The following FRMD4B variants were observed in gnomAD, a reference collection of about 807,000 sequenced individuals.
FRMD4B encodes the protein FERM domain containing 4B.
A neutral mutation model predicts 141.5 loss-of-function variants in FRMD4B; 74 were observed. The ratio of observed to expected loss-of-function variants is 0.52; its 90% CI spans 0.43 to 0.63. FRMD4B has a LOEUF of 0.63. Among genes scored for constraint, FRMD4B ranks in the 30% least tolerant of loss-of-function variants. The pLI is 0.00. For synonymous variants in FRMD4B, 506 were observed against 467.9 expected (o/e 1.08, Z -1.05); for missense variants, 1,366 against 1,253.4 (o/e 1.09, Z -1.36).
chr3:69,506,819 C>T (rs1036194001), intron 1 of FRMD4B, among the ~76,000 whole-genome samples: 12 of 137,584 alleles, frequency 8.7e-5, no homozygotes, highest in South Asian at 2.2e-4. Context: ...GCTGAGATTA[C>T]GGGGTGAGCT....
chr3:69,492,802 T>C (rs972641050), intron 1 of FRMD4B, among the ~76,000 whole-genome samples: 6 of 152,244 alleles, frequency 3.9e-5, no homozygotes, highest in Admixed American at 2.6e-4. Context: ...GTCTTGTATG[T>C]CTGCTTAGTT....
chr3:69,495,533 T>C (rs1046120211), intron 1 of FRMD4B, among the ~76,000 whole-genome samples: 2 of 152,190 alleles, frequency 1.3e-5, no homozygotes, highest in African/African-American at 4.8e-5. Flanking sequence ...GCTTTTCCTA[T>C]GCAGAATCAA....
At chr3:69,389,823 A>G (rs1392475530), upstream of FRMD4B, among the ~76,000 whole-genome samples, 1 of 152,206 alleles carries the variant, frequency 6.6e-6, no homozygotes, top group African/African-American at 2.4e-5. Flanking sequence ...GATCCCAGAC[A>G]CACACCCTTG....
At chr3:69,414,158 T>C (rs1218716202) in intron 2 of FRMD4B, among the ~76,000 whole-genome samples, 2 of 151,924 alleles carry the variant, frequency 1.3e-5, no homozygotes, top group Non-Finnish European at 2.9e-5. Context: ...AGGAGAAAAG[T>C]GGTTGCAGGT....
At chr3:69,201,009 A>G (rs2107670451) in intron 11 of FRMD4B, 1 of 319,106 alleles carries the variant, frequency 3.1e-6, no homozygotes, top group Non-Finnish European at 6.4e-6. Context: ...CTGCATTGAG[A>G]GCAAATACGC....
intron 1 of FRMD4B, among the ~76,000 whole-genome samples, chr3:69,349,587 C>G (rs562537850): frequency 2.6e-5 from 4 of 152,242 alleles, no homozygotes; most frequent in African/African-American, 7.2e-5. Context: ...TACAAGGCTA[C>G]AGTAACCAAA....
At chr3:69,226,425 CTTTTT>C (rs5849885) in intron 7 of FRMD4B, among the ~76,000 whole-genome samples, 3 of 145,332 alleles carry the variant, frequency 2.1e-5, no homozygotes, top group Non-Finnish European at 3.0e-5. Context: ...ACCACATTTA[CTTTTT>C]TTTTTTTTTC....
intron 1 of FRMD4B, among the ~76,000 whole-genome samples, chr3:69,501,793 G>C (rs1204594858): frequency 2.6e-5 from 4 of 152,164 alleles, no homozygotes; most frequent in African/African-American, 7.2e-5. Flanking sequence ...CACTGTCTCA[G>C]CCCAAAATCG....
At position 69,227,748 on chromosome 3, in the gene FRMD4B, G is replaced by A. The variant is rs140057159; in HGVS notation, c.582-3058C>T. Among the ~76,000 whole-genome samples, 1,475 of 152,196 alleles carry A rather than the reference G, an allele frequency of 9.7e-3. 30 individuals carry two copies. Among genetic ancestry groups the A allele is most frequent in the African/African-American group, 0.034 (1,403 of 41,530 alleles). On this transcript the variant is annotated intron_variant, in intron 7 of 22. Transcript: ENST00000398540. ...GAGCACAGAAGATTTTTAGGGCACT[G>A]AAACTATTCTGTATGATACTGTAAT... is the stretch of plus-strand genomic sequence containing the variant.
intron 1 of FRMD4B, among the ~76,000 whole-genome samples, chr3:69,476,833 T>C (rs1191082855): frequency 6.6e-6 from 1 of 152,214 alleles, no homozygotes; most frequent in Admixed American, 6.5e-5. Context: ...TTCCTACCCA[T>C]AAGCATGGAA....
chr3:69,410,530 A>C (rs2106778740), intron 2 of FRMD4B, among the ~76,000 whole-genome samples: 1 of 151,852 alleles, frequency 6.6e-6, no homozygotes, highest in East Asian at 1.9e-4. Flanking sequence ...TTTCTGGAAA[A>C]GTGCTCCACC....
intron 1 of FRMD4B, among the ~76,000 whole-genome samples, chr3:69,482,661 A>G (rs1464141313): frequency 6.6e-6 from 1 of 152,226 alleles, no homozygotes; most frequent in Non-Finnish European, 1.5e-5. Flanking sequence ...TAACTGAAGA[A>G]TCAAATCTTT....
At chr3:69,345,231 G>A (rs867494214) in intron 1 of FRMD4B, among the ~76,000 whole-genome samples, 12 of 152,200 alleles carry the variant, frequency 7.9e-5, no homozygotes, top group Admixed American at 2.0e-4. Context: ...ACGGAGCCTC[G>A]CTCATGGCTA....
At chr3:69,175,590 T>C (rs1382577913) in intron 22 of FRMD4B, among the ~76,000 whole-genome samples, 1 of 152,098 alleles carries the variant, frequency 6.6e-6, no homozygotes, top group Non-Finnish European at 1.5e-5. Flanking sequence ...TGAACAGCCT[T>C]TCCTGGAGTA....
chr3:69,514,889 G>C (rs1700727260), intron 1 of FRMD4B, among the ~76,000 whole-genome samples: 1 of 151,868 alleles, frequency 6.6e-6, no homozygotes, highest in South Asian at 2.1e-4. Context: ...GATTCTCAAG[G>C]GACACTGAAT....
chr3:69,472,331 A>G (rs1164778192), intron 1 of FRMD4B: 2 of 466,596 alleles, frequency 4.3e-6, no homozygotes, highest in Admixed American at 2.3e-5. Context: ...TACAGATGCA[A>G]CTCCCTGGGA....
intron 5 of FRMD4B, among the ~76,000 whole-genome samples, chr3:69,269,866 C>T (rs527968336): frequency 2.7e-4 from 41 of 152,222 alleles, no homozygotes; most frequent in South Asian, 8.3e-4. Context: ...GCGATCTGCC[C>T]GCCTCAGCCT....
intron 11 of FRMD4B, among the ~76,000 whole-genome samples, chr3:69,201,745 C>G (rs2092970004): frequency 6.6e-6 from 1 of 152,176 alleles, no homozygotes; most frequent in Non-Finnish European, 1.5e-5. Context: ...GGCAATGGAG[C>G]TGAGGTGAAT....
intron 1 of FRMD4B, among the ~76,000 whole-genome samples, chr3:69,454,480 G>T (rs956136050): frequency 6.6e-6 from 1 of 152,196 alleles, no homozygotes; most frequent in African/African-American, 2.4e-5. Flanking sequence ...CCACACTCAC[G>T]GGCCAGCGCC....
Sources: allele counts gnomAD v4.1 joint callset (sites outside exome capture counted in the v4.1 genomes callset), GRCh38; gene constraint gnomAD v4.1.1; transcripts MANE v1.5; gene names NCBI Gene and HGNC (gene_info 2026-07-23, HGNC 2026-07-21).